The following PPP1R7 variants were observed in gnomAD, a reference collection of about 807,000 sequenced individuals.
PPP1R7 encodes protein phosphatase 1 regulatory subunit 22.
Under a neutral mutation model 45.2 loss-of-function variants are expected in PPP1R7, and 18 were observed. The observed-to-expected ratio is 0.40, with a 90% CI of 0.28 to 0.59. The LOEUF (loss-of-function observed/expected upper bound fraction) is 0.59. Among genes scored for constraint, PPP1R7 ranks in the 20% least tolerant of loss-of-function variants. The probability of loss-of-function intolerance (pLI) is 0.46; values close to 1 mark genes in which losing one functional copy is unlikely to be tolerated. For missense variants in PPP1R7, 314 were observed against 455.8 expected (o/e 0.69, Z 2.83); for synonymous variants, 181 against 183.4 (o/e 0.99, Z 0.11).
intron 9 of PPP1R7, among the ~76,000 whole-genome samples, chr2:241,174,296 T>C (rs1242048836): frequency 6.6e-6 from 1 of 152,212 alleles, no homozygotes. Flanking sequence ...ATGGGTGAGC[T>C]CTGGGCATTC....
Position 241,153,543 on chromosome 2 carries a change from G to A in PPP1R7, c.120G>A (p.Val40=). ...EEGKKHSSGI[V]ADLSEQSLKD... ...GGAAGAAACACAGCAGTGGCATCGT[G>A]GCCGACCTCAGTGAACAGAGCCTGA... The change falls in exon 2 of 10, where the codon GTG becomes GTA. Residue 40 remains valine (V), a synonymous_variant. Coordinates refer to ENST00000234038, the MANE Select transcript of PPP1R7 (RefSeq NM_002712.3). The A allele has an allele frequency of 6.2e-7, 1 of 1,614,190 alleles. No homozygotes were observed. The highest frequency in any genetic ancestry group is 8.5e-7 in the Non-Finnish European group (1 of 1,180,042).
chr2:241,154,173 CCTT>C (rs1196208954), intron 2 of PPP1R7, among the ~76,000 whole-genome samples: 3 of 115,612 alleles, frequency 2.6e-5, no homozygotes, highest in Admixed American at 9.0e-5. Context: ...GAGGGATACT[CCTT>C]CTCAAAAAAA....
intron 6 of PPP1R7, among the ~76,000 whole-genome samples, chr2:241,162,965 CAG>C (rs371925859): frequency 1.4e-3 from 210 of 152,280 alleles, no homozygotes; most frequent in Middle Eastern, 6.8e-3. Flanking sequence ...CCACGCCCGA[CAG>C]GGGGACATTT....
intron 9 of PPP1R7, among the ~76,000 whole-genome samples, chr2:241,171,583 A>G (rs1559425913): frequency 6.6e-6 from 1 of 152,152 alleles, no homozygotes; most frequent in African/African-American, 2.4e-5. Context: ...CCCACATACT[A>G]TGTTTGTTGA....
At chr2:241,153,351 C>A in intron 1 of PPP1R7, 125 bp from the exon 2 acceptor site, 1 of 1,289,104 alleles carries the variant, frequency 7.8e-7, no homozygotes, top group Non-Finnish European at 1.1e-6. Context: ...CTCAGATGTT[C>A]GTTGAACTGG....
rs559120290 is a variant in PPP1R7, at chr2:241,150,589, C to T, written c.52+42C>T. 3.8e-6 allele frequency: 6 copies of T among 1,564,582 alleles called. No homozygotes were observed. The Admixed American group carries it at 5.5e-5, about 14-fold the overall frequency. ...GGCGGCGGCCCAAGGGCCCAGCGGG[C>T]GGGGGGAGCTGCGGGCTGGAACTGC... is the stretch of plus-strand genomic sequence containing the variant. On this transcript the variant is annotated intron_variant, in intron 1 of 9. Transcript: ENST00000234038.
chr2:241,150,329 C>A, upstream of PPP1R7: 3 of 1,325,490 alleles, frequency 2.3e-6, no homozygotes, highest in Middle Eastern at 2.9e-4. Flanking sequence ...CGGCGCGCGG[C>A]CTCATGACGG....
In PPP1R7 at chr2:241,183,032, G is replaced by A; in HGVS notation, c.*209G>A. On this transcript the variant is annotated 3_prime_UTR_variant, in exon 10 of 10. Coordinates refer to ENST00000234038, the MANE Select transcript of PPP1R7 (RefSeq NM_002712.3). ...AAATCTTGCCACACTGTCCTCCTGG[G>A]TGATTGTTGACAGTTATTGTAGCCA... 1.7e-6 allele frequency: 1 copy of A among 597,278 alleles called. No individual in the cohort carries two copies. The highest frequency in any genetic ancestry group is 2.9e-6 in the Non-Finnish European group (1 of 339,126). The allele number at this position is 597,278 out of a possible 1,614,324, so 37.0% of individuals were successfully genotyped here.
intron 7 of PPP1R7, 99 bp downstream of exon 7, chr2:241,163,500 G>T (rs1263948038): frequency 5.3e-6 from 4 of 757,102 alleles, no homozygotes; most frequent in Non-Finnish European, 9.1e-6. Context: ...TTCACAATTG[G>T]CACTTCGTTG....
chr2:241,182,848 C>A lies in PPP1R7; in HGVS notation c.*25C>A. The A allele has an allele frequency of 6.3e-7, 1 of 1,598,134 alleles. No individual in the cohort carries two copies. The highest frequency in any genetic ancestry group is 8.6e-7 in the Non-Finnish European group (1 of 1,167,020). ...AGTCCTTCTTGGCTCCTCATGTGGT[C>A]CCTCTCCTCGGAAGAACTGCCCAGC... On this transcript the variant is annotated 3_prime_UTR_variant, in exon 10 of 10. Transcript: ENST00000234038.
rs528574409 is a variant in PPP1R7 at position 241,170,988 on chromosome 2, G to T, written c.906+1121G>T. ...TAGTGCATAGGGAGTTGGCAAAGAA[G>T]CCAGGGAACAACACAAAGAAACCAA... On this transcript the variant is annotated intron_variant, in intron 9 of 9. Coordinates refer to ENST00000234038, the MANE Select transcript of PPP1R7 (RefSeq NM_002712.3). 2.6e-5 allele frequency among the ~76,000 whole-genome samples: 4 copies of T among 152,302 alleles called. No homozygotes were observed. In the South Asian group the frequency reaches 8.3e-4, roughly 32 times the overall value.
In PPP1R7 at chr2:241,153,601, G is replaced by C. The variant is rs11678888; in HGVS notation, c.178G>C (p.Glu60Gln). Residue 60 changes from glutamate (E) to glutamine (Q), a missense_variant, in exon 2 of 10, where the codon GAA becomes CAA. Physicochemically the swap from Glu to Gln is conservative, Grantham distance 29. Transcript: ENST00000234038. ...DGEERGEEDP[E>Q]EEHELPVDME... ...GGAGGAGCGGGGGGAGGAGGACCCA[G>C]AAGGTACCAGGCCCAGCTCCCTTGG... 42 of 1,613,742 alleles carry C rather than the reference G, an allele frequency of 2.6e-5. No individual in the cohort carries two copies. Among genetic ancestry groups the C allele is most frequent in the Non-Finnish European group, 3.4e-5 (40 of 1,179,992 alleles).
chr2:241,158,444 A>T, intron 3 of PPP1R7, 40 bp from the exon 4 acceptor site: 1 of 1,603,740 alleles, frequency 6.2e-7, no homozygotes, highest in East Asian at 2.2e-5. Flanking sequence ...GTCTCCAGCC[A>T]CTTTGCTATA....
At chr2:241,181,197 C>CA (rs543173229) in intron 9 of PPP1R7, among the ~76,000 whole-genome samples, 7 of 151,530 alleles carry the variant, frequency 4.6e-5, no homozygotes, top group East Asian at 3.9e-4. Context: ...GACTCCCTCT[C>CA]AAAAAAAAGA....
rs376700661 is a variant in PPP1R7, at chr2:241,163,416, G to T, written c.714+15G>T. 19 of 1,572,928 alleles carry T rather than the reference G, an allele frequency of 1.2e-5. No homozygotes were observed. In the African/African-American group the frequency reaches 1.4e-4, roughly 11 times the overall value. On this transcript the variant is annotated intron_variant, in intron 7 of 9. Coordinates refer to ENST00000234038, the MANE Select transcript of PPP1R7 (RefSeq NM_002712.3). ...TCAGTATGCAGGTACGGAGCTTCCT[G>T]AGCCGCCCTTCCCTGCGAGCCCTGG...
upstream of PPP1R7, chr2:241,149,680 G>C (rs558485706): frequency 6.5e-7 from 1 of 1,548,710 alleles, no homozygotes; most frequent in Admixed American, 1.9e-5. Context: ...GGGCAGATGC[G>C]GTTTCCTCCC....
rs777202920 is a variant in PPP1R7 at position 241,163,379 on chromosome 2, A to G, written c.692A>G (p.Asn231Ser). 6.2e-6 allele frequency: 10 copies of G among 1,612,610 alleles called. No homozygotes were observed. The highest frequency in any genetic ancestry group is 2.7e-5 in the African/African-American group (2 of 74,794). ...CTTCAGAACCTGGATGCGCTCACCA[A>G]CCTGACAGTCCTCAGTATGCAGGTA... The part of the protein sequence containing the change: ...TKLQNLDALT[N>S]LTVLSMQSNR... Residue 231 changes from asparagine (N) to serine (S), a missense_variant, in exon 7 of 10, where the codon AAC (asparagine) becomes AGC (serine). Physicochemically the swap from Asn to Ser is conservative, Grantham distance 46. Coordinates refer to ENST00000234038, the MANE Select transcript of PPP1R7 (RefSeq NM_002712.3).
chr2:241,176,094 G>T (rs1028272473), intron 9 of PPP1R7, among the ~76,000 whole-genome samples: 8 of 152,176 alleles, frequency 5.3e-5, no homozygotes, highest in African/African-American at 1.7e-4. Context: ...AAAATCTTTT[G>T]TAGAGACAAG....
At position 241,179,498 on chromosome 2, in the gene PPP1R7, G is replaced by A. The variant is rs375334559; in HGVS notation, c.907-3149G>A. On this transcript the variant is annotated intron_variant, in intron 9 of 9. Transcript: ENST00000234038. ...TAAGAGCTAGAAGAACAAGCTAAAT[G>A]ACAGTGAGGGATACTTTACAAGACA... Among the ~76,000 whole-genome samples, 3 of 152,222 alleles carry A rather than the reference G, an allele frequency of 2.0e-5. No individual in the cohort carries two copies. In the South Asian group the frequency reaches 6.2e-4, roughly 32 times the overall value.
Sources: allele counts gnomAD v4.1 joint callset (sites outside exome capture counted in the v4.1 genomes callset), GRCh38; gene constraint gnomAD v4.1.1; transcripts MANE v1.5; gene names NCBI Gene and HGNC (gene_info 2026-07-23, HGNC 2026-07-21).